Variants in DET1 observed in about 807,000 individuals in gnomAD.
DET1 encodes DET1 partner of COP1 E3 ubiquitin ligase, also known as DET1 homolog.
In DET1, 22 loss-of-function variants were observed where a neutral mutation model predicts 43.7. That is an observed-to-expected ratio of 0.50 (90% CI 0.36 to 0.72). The LOEUF (loss-of-function observed/expected upper bound fraction) is 0.72, where lower values mean the gene tolerates loss of function less well. Ranked by LOEUF, DET1 falls within the 30% of genes least tolerant of loss-of-function variation. The pLI, the probability that DET1 is intolerant of heterozygous loss-of-function variation, is 0.00. For synonymous variants in DET1, 315 were observed against 266.2 expected (o/e 1.18, Z -1.79); for missense variants, 713 against 713.3 (o/e 1.00, Z 0.00).
At chr15:88,513,242 T>C in intron 4 of DET1, 102 bp from the exon 5 acceptor site, 1 of 1,253,652 alleles carries the variant, frequency 8.0e-7, no homozygotes, top group Non-Finnish European at 1.1e-6. Context: ...CTCATTATTT[T>C]ACCTTATTAA....
intron 1 of DET1, among the ~76,000 whole-genome samples, chr15:88,532,201 G>A (rs1463071936): frequency 6.6e-6 from 1 of 152,124 alleles, no homozygotes; most frequent in Non-Finnish European, 1.5e-5. Flanking sequence ...TACTTGAGAG[G>A]CTGAAGTGGA....
At chr15:88,544,064 A>G (rs2057181944) in intron 1 of DET1, among the ~76,000 whole-genome samples, 1 of 152,200 alleles carries the variant, frequency 6.6e-6, no homozygotes, top group Admixed American at 6.5e-5. Flanking sequence ...AACTGCCAAT[A>G]CGGTAGTTAA....
intron 4 of DET1, among the ~76,000 whole-genome samples, chr15:88,514,113 T>C (rs1411874499): frequency 6.6e-6 from 1 of 152,194 alleles, no homozygotes; most frequent in East Asian, 1.9e-4. Context: ...TAAATTCTTT[T>C]AAAAGGTTCT....
intron 1 of DET1, among the ~76,000 whole-genome samples, chr15:88,540,148 C>T (rs1179668812): frequency 2.0e-5 from 3 of 151,912 alleles, no homozygotes; most frequent in Non-Finnish European, 4.4e-5. Flanking sequence ...TCCTTGAACC[C>T]TTGAAAGAAA....
At position 88,531,687 on chromosome 15, in the gene DET1, T is replaced by C. The variant is rs1157151252; in HGVS notation, c.19A>G (p.Thr7Ala). 4.4e-6 allele frequency: 7 copies of C among 1,609,170 alleles called. No individual in the cohort carries two copies. In the Admixed American group the frequency reaches 8.3e-5, roughly 19 times the overall value. Residue 7 changes from threonine to alanine, a missense_variant, in exon 2 of 5, where the codon ACC (threonine) becomes GCC (alanine). Physicochemically the swap from Thr to Ala is moderately conservative, Grantham distance 58. Coordinates refer to ENST00000268148, the MANE Select transcript of DET1 (RefSeq NM_001144074.3). This position sits in a 1 kb window ranked among gnomAD's most constrained non-coding sequence, Gnocchi z 6.2. ...TTTTGGATTCTTCGAGGCTTGATGG[T>C]AGAAACATGATGATCCATTATCACA... Reference protein sequence around the residue: MDHHVSTIKPRRIQNQN... With the variant: MDHHVSAIKPRRIQNQN...
At chr15:88,510,199 T>C (rs975325004), downstream of DET1, among the ~76,000 whole-genome samples, 3 of 152,110 alleles carry the variant, frequency 2.0e-5, no homozygotes, top group South Asian at 4.1e-4. Flanking sequence ...GATTATGAAA[T>C]TGAAACTTCA....
At chr15:88,543,162 C>T (rs2057156626) in intron 1 of DET1, among the ~76,000 whole-genome samples, 1 of 152,142 alleles carries the variant, frequency 6.6e-6, no homozygotes, top group Non-Finnish European at 1.5e-5. Flanking sequence ...TCCATGAGAG[C>T]CAGGGAATTG....
chr15:88,524,052 G>A (rs1399827735), intron 3 of DET1, among the ~76,000 whole-genome samples: 4 of 149,416 alleles, frequency 2.7e-5, no homozygotes, highest in Non-Finnish European at 4.4e-5. Context: ...CTGCCCGGCC[G>A]CCCATCGTCT....
At chr15:88,523,709 G>A (rs1484298969) in intron 3 of DET1, among the ~76,000 whole-genome samples, 1 of 152,016 alleles carries the variant, frequency 6.6e-6, no homozygotes, top group Non-Finnish European at 1.5e-5. Context: ...CCGAGGTGCT[G>A]GGATTGCAGA....
At chr15:88,506,559 T>C (rs540211784) in intron 7 of DET1, among the ~76,000 whole-genome samples, 3 of 85,230 alleles carry the variant, frequency 3.5e-5, no homozygotes, top group South Asian at 6.2e-4. Flanking sequence ...AAAGCATGCA[T>C]TGCAGAGAAC....
intron 4 of DET1, 61 bp from the exon 5 acceptor site, chr15:88,513,201 C>G (rs1476994165): frequency 6.7e-7 from 1 of 1,491,362 alleles, no homozygotes; most frequent in African/African-American, 1.4e-5. Flanking sequence ...CACCATCGAA[C>G]TGAAATCTAG....
downstream of DET1, among the ~76,000 whole-genome samples, chr15:88,510,598 A>C (rs2056186900): frequency 6.6e-6 from 1 of 152,154 alleles, no homozygotes. Flanking sequence ...ACTGACTTAC[A>C]AGACTGCAAA....
rs747257932 is a variant in DET1 at position 88,527,671 on chromosome 15, G to A, written c.1199C>T (p.Ala400Val). Residue 400 changes from alanine (A) to valine (V), a missense_variant, in exon 3 of 5, where the codon GCT becomes GTT. Ala to Val is a moderately conservative substitution (Grantham distance 64, BLOSUM62 0). Transcript: ENST00000268148. ...FENFCDLFRN[A>V]TLHSEVQFPC... Reference sequence around the variant, plus strand: ...AAACTGAACTTCACTGTGCAGGGTAGCATTACGAAAAAGGTCACAGAAGTT... The same window carrying A: ...AAACTGAACTTCACTGTGCAGGGTAACATTACGAAAAAGGTCACAGAAGTT... 1.1e-5 allele frequency: 17 copies of A among 1,613,678 alleles called. No homozygotes were observed. Among genetic ancestry groups the A allele is most frequent in the Non-Finnish European group, 1.4e-5 (16 of 1,179,818 alleles).
rs2056344824 is a variant in DET1, at chr15:88,516,343, G to A, written c.1463+439C>T. ...AGTCTACATTCCAAAATTCCTCCAAGTGAGGAAGCATGAGTTTCTTCTAAA... is the reference window on the plus strand; with the variant it reads ...AGTCTACATTCCAAAATTCCTCCAAATGAGGAAGCATGAGTTTCTTCTAAA... On this transcript the variant is annotated intron_variant, in intron 4 of 4. Transcript: ENST00000268148. The surrounding 1 kb of genome is among the most constrained non-coding windows in gnomAD (Gnocchi z 4.4). Among the ~76,000 whole-genome samples the A allele has an allele frequency of 6.6e-6, 1 of 152,178 alleles. No homozygotes were observed. Among genetic ancestry groups the A allele is most frequent in the South Asian group, 2.1e-4 (1 of 4,828 alleles).
chr15:88,524,186 G>A (rs935521298), intron 3 of DET1, among the ~76,000 whole-genome samples: 13 of 151,288 alleles, frequency 8.6e-5, no homozygotes, highest in African/African-American at 3.2e-4. Flanking sequence ...TGGGAACTGA[G>A]GAGTGTCTCT....
rs781138350 is a variant in DET1, at chr15:88,531,472, G to T, written c.234C>A (p.Asp78Glu). Residue 78 changes from aspartate to glutamate, a missense_variant, in exon 2 of 5, where the codon GAC becomes GAA. By Grantham distance (45) the Asp-to-Glu change is conservative. Transcript: ENST00000268148. The surrounding 1 kb of genome is among the most constrained non-coding windows in gnomAD (Gnocchi z 6.2). ...ACTCATAGATTTCAAGAGATGTCTG[G>T]TCTGAAGAAAAAGCAATAAAGTAGC... ...DGRYFIAFSSDQTSLEIYEYQ... is the reference protein window; with the variant it reads ...DGRYFIAFSSEQTSLEIYEYQ... 6.2e-7 allele frequency: 1 copy of T among 1,614,002 alleles called. No individual in the cohort carries two copies. Among genetic ancestry groups the T allele is most frequent in the Non-Finnish European group, 8.5e-7 (1 of 1,179,902 alleles).
intron 1 of DET1, among the ~76,000 whole-genome samples, chr15:88,542,805 T>A (rs2057144929): frequency 6.6e-6 from 1 of 151,816 alleles, no homozygotes; most frequent in Non-Finnish European, 1.5e-5. Context: ...ACCAGAAAAG[T>A]AAAAGAGGTG....
chr15:88,511,425 T>A, downstream of DET1: 1 of 985,482 alleles, frequency 1.0e-6, no homozygotes, highest in Non-Finnish European at 1.2e-6. Context: ...TGTATTTGCT[T>A]ATTTACCATT....
Position 88,522,379 on chromosome 15 carries a change from A to ATT in DET1, c.1271+5218_1271+5219dup, listed in dbSNP as rs573006063. Among the ~76,000 whole-genome samples the ATT allele has an allele frequency of 2.3e-3, 342 of 147,636 alleles. 2 individuals carry two copies. The highest frequency in any genetic ancestry group is 8.2e-3 in the African/African-American group (330 of 40,156). On this transcript the variant is annotated intron_variant, in intron 3 of 4. Coordinates refer to ENST00000268148, the MANE Select transcript of DET1 (RefSeq NM_001144074.3). ...ATTTGGCCTCCTAGGCAGGTACTCT[A>ATT]TTTTTTTTTTAAATGTTTCTCTTCT...
Sources: gnomAD v4.1 joint callset for allele counts (sites outside exome capture counted in the v4.1 genomes callset) on GRCh38, gnomAD v4.1.1 for gene constraint, Gnocchi (gnomAD v3.1) non-coding constraint, MANE v1.5 for transcripts, NCBI Gene and HGNC (gene_info 2026-07-23, HGNC 2026-07-21) for gene names.